The following ATP1A2 variants were observed in gnomAD, a reference collection of about 807,000 sequenced individuals.
ATP1A2 encodes ATPase Na+/K+ transporting subunit alpha 2.
Under a neutral mutation model 113.1 loss-of-function variants are expected in ATP1A2, and 56 were observed. The ratio of observed to expected loss-of-function variants is 0.49; its 90% CI spans 0.40 to 0.62. The LOEUF is 0.62. ATP1A2 is among the 20% of genes least tolerant of loss of function. ATP1A2 has a pLI of 0.00. For synonymous variants in ATP1A2, 490 were observed against 526.8 expected, an observed-to-expected ratio of 0.93 and a Z score of 0.96; for missense variants, 712 against 1,357.8, an observed-to-expected ratio of 0.52 and a Z score of 7.47.
intron 1 of ATP1A2, among the ~76,000 whole-genome samples, chr1:160,116,837 A>G (rs1311418124): frequency 2.6e-5 from 4 of 152,092 alleles, no homozygotes; most frequent in Non-Finnish European, 5.9e-5. Flanking sequence ...TCAGGCAAGG[A>G]CATGTTATTG....
rs1651906836 is a variant in ATP1A2, at chr1:160,135,442, T to C, written c.2124T>C (p.Ile708=). ...GGCCGTCTTCCCTCCAGGGAGCCAT[T>C]GTGGCCGTGACGGGTGACGGGGTGA... ...IVEGCQRQGA[I]VAVTGDGVND... The change falls in exon 16 of 23, where the codon ATT becomes ATC. Residue 708 remains isoleucine (I), a synonymous_variant. Coordinates refer to ENST00000361216, the MANE Select transcript of ATP1A2 (RefSeq NM_000702.4). This position sits in a 1 kb window ranked among gnomAD's most constrained non-coding sequence, Gnocchi z 6.3. 1 of 1,614,124 alleles carries C rather than the reference T, an allele frequency of 6.2e-7. No homozygotes were observed. The highest frequency in any genetic ancestry group is 8.5e-7 in the Non-Finnish European group (1 of 1,180,018).
At chr1:160,116,801 G>A (rs566980019) in intron 1 of ATP1A2, among the ~76,000 whole-genome samples, 4 of 152,288 alleles carry the variant, frequency 2.6e-5, no homozygotes, top group African/African-American at 7.2e-5. Flanking sequence ...AGGGGGAGCC[G>A]TGGGTGTTTC....
rs1410598432 is a variant in ATP1A2, at chr1:160,129,090, G to A, written c.1326+1G>A. 1.9e-6 allele frequency: 3 copies of A among 1,613,446 alleles called. No homozygotes were observed. The highest frequency in any genetic ancestry group is 2.2e-5 in the South Asian group (2 of 91,024). Reference sequence around the variant, plus strand: ...ACAGGAGAACATCTCCGTGTCTAAGGTAGGGGGTCAGGACACACACCAGGT... The same window carrying A: ...ACAGGAGAACATCTCCGTGTCTAAGATAGGGGGTCAGGACACACACCAGGT... On this transcript the variant is annotated splice_donor_variant, in intron 10 of 22. Coordinates refer to ENST00000361216, the MANE Select transcript of ATP1A2 (RefSeq NM_000702.4). LOFTEE classifies it high-confidence loss of function.
chr1:160,140,307 G>A (rs1279032260), intron 22 of ATP1A2, among the ~76,000 whole-genome samples: 1 of 151,868 alleles, frequency 6.6e-6, no homozygotes, highest in Admixed American at 6.6e-5. Context: ...GATAGAGGAG[G>A]CTCAGAGGTG....
chr1:160,140,012 A>G, intron 22 of ATP1A2, 28 bp downstream of exon 22: 1 of 1,606,540 alleles, frequency 6.2e-7, no homozygotes, highest in Non-Finnish European at 8.5e-7. Context: ...CCCCCCAGCA[A>G]AGTGCAAGCC....
chr1:160,139,249 T>C (rs577119209), intron 20 of ATP1A2, among the ~76,000 whole-genome samples: 228 of 152,206 alleles, frequency 1.5e-3, no homozygotes, highest in African/African-American at 4.9e-3. Context: ...AAGACATACA[T>C]GGGCCCTGCA....
chr1:160,124,197 A>T, intron 5 of ATP1A2, 99 bp from the exon 6 acceptor site: 1 of 1,552,788 alleles, frequency 6.4e-7, no homozygotes, highest in Non-Finnish European at 8.7e-7. Context: ...CTAATTGTTT[A>T]TGGGGCTTCT....
rs1396514418 is a variant in ATP1A2 at position 160,124,433 on chromosome 1, G to A, written c.630+3G>A. 1 of 1,604,546 alleles carries A rather than the reference G, an allele frequency of 6.2e-7. No homozygotes were observed. Among genetic ancestry groups the A allele is most frequent in the Non-Finnish European group, 8.5e-7 (1 of 1,175,488 alleles). ...TCATCTCTTCTCATGGCTGTAAGGT[G>A]AGGAGGTCATACCAGAGCAAGCAGT... On this transcript the variant is annotated splice_donor_region_variant and intron_variant, in intron 6 of 22. Transcript: ENST00000361216.
At chr1:160,116,387 G>A (rs1651182182) in intron 1 of ATP1A2, among the ~76,000 whole-genome samples, 1 of 151,952 alleles carries the variant, frequency 6.6e-6, no homozygotes, top group South Asian at 2.1e-4. Flanking sequence ...CAGCTCCAGG[G>A]GCCCTGAGTG....
At position 160,127,890 on chromosome 1, in the gene ATP1A2, C is replaced by A. The variant is rs1444553538; in HGVS notation, c.1017+70C>A. On this transcript the variant is annotated intron_variant, in intron 8 of 22. Transcript: ENST00000361216. The stretch of plus-strand genomic sequence containing the variant: ...CTCTTTCCTCAGAGTGATAGAGGCA[C>A]AGTTGCTTGTAGCTTCTCACTACTT... 5 of 1,517,334 alleles carry A rather than the reference C, an allele frequency of 3.3e-6. No individual in the cohort carries two copies. The East Asian group carries it at 1.1e-4, about 34-fold the overall frequency. 94.0% of individuals were successfully genotyped at this position (1,517,334 alleles called of 1,614,324 possible).
In ATP1A2 at chr1:160,135,470, G is replaced by A. The variant is rs121918614; in HGVS notation, c.2152G>A (p.Asp718Asn). The part of the protein sequence containing the change: ...IVAVTGDGVN[D>N]SPALKKADIG... ...GGCCGTGACGGGTGACGGGGTGAAC[G>A]ACTCCCCTGCATTGAAGAAGGCTGA... Residue 718 changes from aspartate to asparagine, a missense_variant, in exon 16 of 23, where the codon GAC becomes AAC. Coordinates refer to ENST00000361216, the MANE Select transcript of ATP1A2 (RefSeq NM_000702.4). This position sits in a 1 kb window ranked among gnomAD's most constrained non-coding sequence, Gnocchi z 6.3. 3.1e-6 allele frequency: 5 copies of A among 1,614,064 alleles called. No individual in the cohort carries two copies. Among genetic ancestry groups the A allele is most frequent in the African/African-American group, 1.3e-5 (1 of 74,924 alleles).
At chr1:160,137,984 C>G (rs1433730490) in intron 20 of ATP1A2, among the ~76,000 whole-genome samples, 1 of 152,144 alleles carries the variant, frequency 6.6e-6, no homozygotes, top group African/African-American at 2.4e-5. Context: ...TTGAAGAGAA[C>G]AAGGAGCAGA....
chr1:160,127,829 G>GT lies in ATP1A2; in HGVS notation c.1017+10dup. The GT allele has an allele frequency of 6.3e-7, 1 of 1,587,574 alleles. No homozygotes were observed. Among genetic ancestry groups the GT allele is most frequent in the Non-Finnish European group, 8.6e-7 (1 of 1,165,588 alleles). On this transcript the variant is annotated intron_variant, in intron 8 of 22. Coordinates refer to ENST00000361216, the MANE Select transcript of ATP1A2 (RefSeq NM_000702.4). ...TTCTGGCCACTGTCACTGTGAGTGG[G>GT]TCAGGCTGAGGTGCCACCAGGGGAG...
chr1:160,123,062 T>C (rs1651466957), intron 3 of ATP1A2, 151 bp from the exon 4 acceptor site: 1 of 826,412 alleles, frequency 1.2e-6, no homozygotes, highest in Admixed American at 2.2e-5. Flanking sequence ...CTCCTCCATG[T>C]GGTCTCTCCT....
rs1651154858 is a variant in ATP1A2 at position 160,115,819 on chromosome 1, G to A, written c.-43G>A. 1 of 1,580,118 alleles carries A rather than the reference G, an allele frequency of 6.3e-7. No individual in the cohort carries two copies. Among genetic ancestry groups the A allele is most frequent in the Non-Finnish European group, 8.6e-7 (1 of 1,162,834 alleles). Reference sequence around the variant, plus strand: ...GCTGGTGTGGGCTTGGGATCCTCCTGGTGACCTCTCCCGCTAAGGTCCCTC... The same window carrying A: ...GCTGGTGTGGGCTTGGGATCCTCCTAGTGACCTCTCCCGCTAAGGTCCCTC... On this transcript the variant is annotated 5_prime_UTR_variant, in exon 1 of 23. Transcript: ENST00000361216.
At position 160,130,460 on chromosome 1, in the gene ATP1A2, C is replaced by G. The variant is rs762330744; in HGVS notation, c.1690C>G (p.Arg564Gly). The change falls in exon 13 of 23, where the codon CGG becomes GGG. Residue 564 changes from arginine to glycine, a missense_variant. Physicochemically the swap from Arg to Gly is moderately radical, Grantham distance 125. Coordinates refer to ENST00000361216, the MANE Select transcript of ATP1A2 (RefSeq NM_000702.4). ...GAATCTGCCATCTGGAAAGTTTCCT[C>G]GGGGCTTCAAATTCGACACGGATGA... is the stretch of plus-strand genomic sequence containing the variant. ...QLNLPSGKFP[R>G]GFKFDTDELN... 3 of 1,614,204 alleles carry G rather than the reference C, an allele frequency of 1.9e-6. No individual in the cohort carries two copies. Among genetic ancestry groups the G allele is most frequent in the Non-Finnish European group, 1.7e-6 (2 of 1,180,034 alleles).
rs776992090 is a variant in ATP1A2 at position 160,134,566 on chromosome 1, CTG to C, written c.1913_1914del (p.Val638GlyfsTer28). On this transcript the variant is annotated frameshift_variant, in exon 14 of 23. Coordinates refer to ENST00000361216, the MANE Select transcript of ATP1A2 (RefSeq NM_000702.4). LOFTEE classifies it high-confidence loss of function. ...GGCATCATATCAGAGGGTAACGAGA[CTG>C]TGGAGGACATTGCAGCCCGGCTCAA... 6.2e-7 allele frequency: 1 copy of C among 1,614,228 alleles called. No homozygotes were observed. Among genetic ancestry groups the C allele is most frequent in the Non-Finnish European group, 8.5e-7 (1 of 1,180,034 alleles).
At chr1:160,117,074 A>G (rs760636935) in intron 1 of ATP1A2, among the ~76,000 whole-genome samples, 3 of 152,102 alleles carry the variant, frequency 2.0e-5, no homozygotes, top group Non-Finnish European at 4.4e-5. Context: ...GTAAATGTAC[A>G]AGCCTTCAAG....
chr1:160,125,462 T>G, intron 7 of ATP1A2: 3 of 580,652 alleles, frequency 5.2e-6, no homozygotes, highest in East Asian at 3.0e-5. Context: ...TGTATCTCCC[T>G]TCCCCAGGGA....
Sources: gnomAD v4.1 joint callset for allele counts (sites outside exome capture counted in the v4.1 genomes callset) on GRCh38, gnomAD v4.1.1 for gene constraint, Gnocchi (gnomAD v3.1) non-coding constraint, MANE v1.5 for transcripts, NCBI Gene and HGNC (gene_info 2026-07-23, HGNC 2026-07-21) for gene names.